PHKA2: variants seen among roughly 807,000 people sequenced by gnomAD.
PHKA2 encodes phosphorylase kinase regulatory subunit alpha 2, also known as phosphorylase b kinase regulatory subunit alpha, liver isoform.
PHKA2 carries 31 observed loss-of-function variants against 102.0 expected under a neutral mutation model. That is an observed-to-expected ratio of 0.30 (90% CI 0.23 to 0.41). The LOEUF (loss-of-function observed/expected upper bound fraction) is 0.41. PHKA2 is among the 10% of genes least tolerant of loss of function. PHKA2 has a pLI of 1.00. For synonymous variants in PHKA2, 455 were observed against 416.2 expected, an observed-to-expected ratio of 1.09 and a Z score of -1.13; for missense variants, 858 against 1,023.1, an observed-to-expected ratio of 0.84 and a Z score of 2.20.
At chrX:18,921,429 AAAC>A (rs1023664517) in intron 17 of PHKA2, among the ~76,000 whole-genome samples, 16 of 111,618 alleles carry the variant, frequency 1.4e-4, no homozygotes, top group South Asian at 1.1e-3. Flanking sequence ...CTCAAAAGAA[AAAC>A]AACAACAACC....
chrX:18,965,620 C>T (rs1156666090), intron 1 of PHKA2, among the ~76,000 whole-genome samples: 3 of 110,187 alleles, frequency 2.7e-5, no homozygotes, highest in African/African-American at 6.6e-5. Flanking sequence ...GACAGGGACA[C>T]GGAAGGCTAC....
At position 18,926,561 on chromosome X, in the gene PHKA2, T is replaced by C. The variant is rs1459737430; in HGVS notation, c.1351A>G (p.Ile451Val). Residue 451 changes from isoleucine to valine, a missense_variant, in exon 14 of 33, where the codon ATT becomes GTT. By Grantham distance (29) the Ile-to-Val change is conservative. This residue lies in a region of PHKA2 where 671 missense variants were observed against 745.2 expected (regional missense o/e 0.90). Transcript: ENST00000379942. ...QVTVLAENNH[I>V]KDLLRKHGVN... ...CCGTGTTTCCTCAATAAGTCCTTAA[T>C]GTGATTGTTTTCTGCCAAAACAGTA... is the stretch of plus-strand genomic sequence containing the variant. 3.3e-6 allele frequency: 4 copies of C among 1,207,538 alleles called. No individual in the cohort carries two copies. The African/African-American group carries it at 7.0e-5, about 21-fold the overall frequency.
At chrX:18,939,839 T>C (rs980656271) in intron 9 of PHKA2, among the ~76,000 whole-genome samples, 156 bp downstream of exon 9, 2 of 112,397 alleles carry the variant, frequency 1.8e-5, no homozygotes, top group Admixed American at 1.9e-4. Flanking sequence ...AAAGATACTA[T>C]GCTATTGCCT....
rs756603805 is a variant in PHKA2 at position 18,900,690 on chromosome X, G to A, written c.3037C>T (p.Arg1013Trp). 6 of 1,208,504 alleles carry A rather than the reference G, an allele frequency of 5.0e-6. No homozygotes were observed. The highest frequency in any genetic ancestry group is 4.4e-5 in the Admixed American group (2 of 45,977). ...GTCACCTGTTCATCAGCACTAAACCGCCTAGTCATCTGAAAGCAAAAATAC... is the reference window on the plus strand; with the variant it reads ...GTCACCTGTTCATCAGCACTAAACCACCTAGTCATCTGAAAGCAAAAATAC... ...LRSEMKQMTR[R>W]FSADEQFFSV... The change falls in exon 28 of 33, where the codon CGG becomes TGG. Residue 1013 changes from arginine (R) to tryptophan (W), a missense_variant. Around this residue, in one of 2 missense-constraint regions of PHKA2, gnomAD observed 671 missense variants for 745.2 expected, o/e 0.90. Transcript: ENST00000379942.
chrX:18,912,832 A>G (rs745463265), intron 19 of PHKA2, among the ~76,000 whole-genome samples: 61 of 110,946 alleles, frequency 5.5e-4, no homozygotes, highest in African/African-American at 1.8e-3. Context: ...AATCGCTTGA[A>G]CCTGGGAGGC....
Position 18,893,449 on chromosome X carries a change from CAGAT to C in PHKA2, c.*32_*35del, listed in dbSNP as rs775265688. The C allele has an allele frequency of 4.2e-6, 5 of 1,189,372 alleles. No individual in the cohort carries two copies. The Admixed American group carries it at 6.6e-5, about 16-fold the overall frequency. ...CCCAGTAAGGCTAGGGGGCACGTGA[CAGAT>C]TGAGAGTGTGATCATGTTTCCAGGT... On this transcript the variant is annotated 3_prime_UTR_variant, in exon 33 of 33. Coordinates refer to ENST00000379942, the MANE Select transcript of PHKA2 (RefSeq NM_000292.3).
chrX:18,899,808 T>C (rs2047644007), intron 28 of PHKA2, among the ~76,000 whole-genome samples: 1 of 112,089 alleles, frequency 8.9e-6, no homozygotes, highest in Non-Finnish European at 1.9e-5. Context: ...AGATTGAAAA[T>C]ACCATAACAC....
At chrX:18,919,147 A>T (rs1216907134) in intron 18 of PHKA2, among the ~76,000 whole-genome samples, 1 of 112,012 alleles carries the variant, frequency 8.9e-6, no homozygotes, top group Non-Finnish European at 1.9e-5. Context: ...AATATGTAAG[A>T]CAGCCTGAAG....
intron 1 of PHKA2, among the ~76,000 whole-genome samples, chrX:18,967,770 G>A (rs886719129): frequency 5.5e-5 from 6 of 109,488 alleles, no homozygotes. Flanking sequence ...ACAAATGAAA[G>A]CATTCTGCTG....
At chrX:18,912,992 C>T (rs963139425) in intron 19 of PHKA2, among the ~76,000 whole-genome samples, 2 of 108,771 alleles carry the variant, frequency 1.8e-5, no homozygotes, top group South Asian at 4.0e-4. Flanking sequence ...GCAGAAGGAT[C>T]GCTTGAGCTC....
At chrX:18,955,674 G>A (rs1404498105) in intron 1 of PHKA2, among the ~76,000 whole-genome samples, 1 of 111,582 alleles carries the variant, frequency 9.0e-6, no homozygotes, top group Non-Finnish European at 1.9e-5. Context: ...TTACATTACT[G>A]TAAAGGGCAC....
chrX:18,916,892 G>C (rs1194898171), intron 19 of PHKA2, among the ~76,000 whole-genome samples: 1 of 88,383 alleles, frequency 1.1e-5, no homozygotes, highest in Non-Finnish European at 2.3e-5. Context: ...TTTTTTTTTT[G>C]AGACAGGTTC....
At chrX:18,893,911 A>G (rs1308646685) in intron 32 of PHKA2, among the ~76,000 whole-genome samples, 1 of 111,559 alleles carries the variant, frequency 9.0e-6, no homozygotes, top group Non-Finnish European at 1.9e-5. Context: ...AATGAGGACT[A>G]CTCTGTTGAA....
intron 1 of PHKA2, among the ~76,000 whole-genome samples, chrX:18,973,005 A>C (rs896620732): frequency 8.9e-6 from 1 of 112,111 alleles, no homozygotes; most frequent in African/African-American, 3.2e-5. Context: ...CTCATTGTCT[A>C]AGAGGTGCTT....
At chrX:18,893,824 G>A (rs1010233164) in intron 32 of PHKA2, among the ~76,000 whole-genome samples, 169 bp from the exon 33 acceptor site, 2 of 112,470 alleles carry the variant, frequency 1.8e-5, no homozygotes, top group African/African-American at 3.2e-5. Context: ...CGAAGCCAGC[G>A]CTGCCAGGGG....
intron 10 of PHKA2, among the ~76,000 whole-genome samples, chrX:18,938,047 A>T (rs1234166319): frequency 8.9e-6 from 1 of 112,488 alleles, no homozygotes; most frequent in African/African-American, 3.2e-5. Context: ...GCCTCCTAGT[A>T]CTCATGCCCT....
At chrX:18,947,688 A>G (rs2048606579) in intron 5 of PHKA2, among the ~76,000 whole-genome samples, 1 of 112,773 alleles carries the variant, frequency 8.9e-6, no homozygotes, top group Non-Finnish European at 1.9e-5. Context: ...ATTAGACAAA[A>G]AAGACACTTG....
intron 6 of PHKA2, 66 bp from the exon 7 acceptor site, chrX:18,943,874 T>C: frequency 3.8e-6 from 3 of 784,510 alleles, no homozygotes; most frequent in Non-Finnish European, 5.9e-6. Flanking sequence ...CTGGTGTTCC[T>C]TTTTCATTAA....
intron 1 of PHKA2, among the ~76,000 whole-genome samples, chrX:18,974,577 C>T (rs1038091230): frequency 8.1e-5 from 9 of 111,552 alleles, no homozygotes; most frequent in African/African-American, 2.9e-4. Flanking sequence ...AAATATATTT[C>T]TTGCAATTCT....
Sources: gnomAD v4.1 joint callset for allele counts (sites outside exome capture counted in the v4.1 genomes callset) on GRCh38, gnomAD v4.1.1 for gene constraint, gnomAD v4.1.1 regional missense constraint, MANE v1.5 for transcripts, NCBI Gene and HGNC (gene_info 2026-07-23, HGNC 2026-07-21) for gene names.